The following C9 variants were observed in gnomAD, a reference collection of about 807,000 sequenced individuals.
The protein encoded by C9 is complement component C9.
C9 carries 63 observed loss-of-function variants against 65.4 expected under a neutral mutation model. The ratio of observed to expected loss-of-function variants is 0.96; its 90% CI spans 0.79 to 1.19. C9 has a LOEUF of 1.19. Ranked by LOEUF, C9 falls within the 50% of genes most tolerant of loss-of-function variation. The pLI, the probability that C9 is intolerant of heterozygous loss-of-function variation, is 0.00. For synonymous variants in C9, 229 were observed against 227.9 expected, an observed-to-expected ratio of 1.00 and a Z score of -0.04; for missense variants, 744 against 670.1, an observed-to-expected ratio of 1.11 and a Z score of -1.22.
Position 39,326,617 on chromosome 5 carries a change from C to T in C9, c.615+5059G>A, listed in dbSNP as rs531899976. On this transcript the variant is annotated intron_variant, in intron 5 of 10. Transcript: ENST00000263408. ...CACATGAGTGCCTTCATGATTTAAC[C>T]CCTGCCTATGACTTCAACCCTGAAT... is the stretch of plus-strand genomic sequence containing the variant. 3.9e-5 allele frequency among the ~76,000 whole-genome samples: 6 copies of T among 152,290 alleles called. No homozygotes were observed. The South Asian group carries it at 8.3e-4, about 21-fold the overall frequency.
intron 5 of C9, among the ~76,000 whole-genome samples, chr5:39,328,070 A>C (rs1401420246): frequency 6.6e-6 from 1 of 152,154 alleles, no homozygotes; most frequent in Non-Finnish European, 1.5e-5. Flanking sequence ...TGGAAGGAAA[A>C]AGAGGGAAAG....
chr5:39,342,761 C>G (rs1443391015), intron 1 of C9, among the ~76,000 whole-genome samples: 1 of 152,142 alleles, frequency 6.6e-6, no homozygotes, highest in Non-Finnish European at 1.5e-5. Flanking sequence ...CACTTCACTT[C>G]AGGACTTATT....
chr5:39,357,587 A>G (rs1045169466), intron 1 of C9, among the ~76,000 whole-genome samples: 1 of 152,210 alleles, frequency 6.6e-6, no homozygotes. Flanking sequence ...AGAAAATACA[A>G]CATGCAATAT....
At chr5:39,340,347 CCAACAAATCCACCTTTACCAAAAATAG>C (rs974551106) in intron 4 of C9, among the ~76,000 whole-genome samples, 5 of 151,326 alleles carry the variant, frequency 3.3e-5, no homozygotes, top group Admixed American at 6.6e-5. Context: ...GGACAATTTT[CCAACAAATCCACCTTTACCAAAAATAG>C]CAACAAATCC....
At chr5:39,291,685 G>A (rs1341423363) in intron 9 of C9, among the ~76,000 whole-genome samples, 1 of 151,550 alleles carries the variant, frequency 6.6e-6, no homozygotes, top group East Asian at 1.9e-4. Flanking sequence ...TTAGTAAAAA[G>A]CCTTAGTATT....
At position 39,341,162 on chromosome 5, in the gene C9, G is replaced by C. The variant is rs144138616; in HGVS notation, c.460C>G (p.Arg154Gly). 5 of 1,614,120 alleles carry C rather than the reference G, an allele frequency of 3.1e-6. No individual in the cohort carries two copies. The highest frequency in any genetic ancestry group is 1.7e-5 in the Admixed American group (1 of 60,018). The change falls in exon 4 of 11, where the codon CGA (arginine) becomes GGA (glycine). Residue 154 changes from arginine (R) to glycine (G), a missense_variant. Physicochemically the swap from Arg to Gly is moderately radical, Grantham distance 125. Coordinates refer to ENST00000263408, the MANE Select transcript of C9 (RefSeq NM_001737.5). ...DRVVEESELA[R>G]TAGYGINILG... is the part of the protein sequence containing the mutation. The stretch of plus-strand genomic sequence containing the variant: ...AATACACACCCATAGCCTGCTGTTC[G>C]TGCCAGCTCAGACTCTTCTACCACT...
At chr5:39,354,748 T>C (rs1178689857) in intron 1 of C9, among the ~76,000 whole-genome samples, 2 of 152,358 alleles carry the variant, frequency 1.3e-5, no homozygotes, top group East Asian at 3.9e-4. Context: ...TGTTTTGTTT[T>C]GTTATTTTGA....
chr5:39,342,586 A>G (rs558633266), intron 1 of C9, among the ~76,000 whole-genome samples: 4 of 152,216 alleles, frequency 2.6e-5, no homozygotes, highest in Non-Finnish European at 4.4e-5. Context: ...CCCATCCACC[A>G]TACCCCACCC....
intron 8 of C9, 52 bp from the exon 9 acceptor site, chr5:39,306,844 C>T: frequency 7.7e-7 from 1 of 1,298,438 alleles, no homozygotes; most frequent in Non-Finnish European, 1.1e-6. Flanking sequence ...TAAAGAGAAG[C>T]CAGTTATCAA....
At chr5:39,357,643 A>G (rs1348609921) in intron 1 of C9, among the ~76,000 whole-genome samples, 1 of 152,220 alleles carries the variant, frequency 6.6e-6, no homozygotes. Flanking sequence ...CAGACCGGGT[A>G]AGAGGATAGA....
chr5:39,360,884 G>T (rs1378602354), intron 1 of C9, among the ~76,000 whole-genome samples: 1 of 152,140 alleles, frequency 6.6e-6, no homozygotes, highest in Non-Finnish European at 1.5e-5. Context: ...TTTTAGCACT[G>T]TCACAAAGTG....
intron 5 of C9, among the ~76,000 whole-genome samples, chr5:39,326,372 T>C (rs996424320): frequency 3.9e-5 from 6 of 152,224 alleles, no homozygotes; most frequent in Admixed American, 2.6e-4. Flanking sequence ...GGATTTTATC[T>C]CTTCTTCTTC....
In C9 at chr5:39,345,204, G is replaced by T. The variant is rs62358364; in HGVS notation, c.78-3008C>A. 8.5e-3 allele frequency among the ~76,000 whole-genome samples: 1,294 copies of T among 152,108 alleles called. 5 individuals carry two copies. The highest frequency in any genetic ancestry group is 0.011 in the African/African-American group (466 of 41,508). ...CTTAAATGCAAAATGGGCTAAATGC[G>T]CCAATTAAAAGACACAGACTGGCAA... On this transcript the variant is annotated intron_variant, in intron 1 of 10. Transcript: ENST00000263408.
At chr5:39,306,824 A>C in intron 8 of C9, 32 bp from the exon 9 acceptor site, 2 of 1,533,502 alleles carry the variant, frequency 1.3e-6, no homozygotes, top group Non-Finnish European at 1.8e-6. Flanking sequence ...AAAGAGAAGC[A>C]GAAGAAGTTT....
chr5:39,296,103 C>T (rs1427767660), intron 9 of C9, among the ~76,000 whole-genome samples: 1 of 151,602 alleles, frequency 6.6e-6, no homozygotes, highest in Admixed American at 6.6e-5. Context: ...GGAAATGCTT[C>T]AGGACATTGG....
At chr5:39,327,750 G>C (rs1180568336) in intron 5 of C9, among the ~76,000 whole-genome samples, 1 of 152,092 alleles carries the variant, frequency 6.6e-6, no homozygotes, top group Non-Finnish European at 1.5e-5. Flanking sequence ...AGCCATAGGA[G>C]AAGAGGAAAA....
chr5:39,312,795 G>A (rs1753508541), intron 6 of C9, among the ~76,000 whole-genome samples: 1 of 152,092 alleles, frequency 6.6e-6, no homozygotes, highest in Non-Finnish European at 1.5e-5. Flanking sequence ...TCTTTTTAAA[G>A]GTATATCTTG....
chr5:39,318,766 C>T (rs1359503749), intron 5 of C9, among the ~76,000 whole-genome samples: 1 of 152,028 alleles, frequency 6.6e-6, no homozygotes, highest in Non-Finnish European at 1.5e-5. Flanking sequence ...TTATTACTGT[C>T]TCATGAAAAG....
rs1179579283 is a variant in C9 at position 39,316,039 on chromosome 5, A to T, written c.616-10T>A. The T allele has an allele frequency of 6.2e-7, 1 of 1,606,570 alleles. No homozygotes were observed. The highest frequency in any genetic ancestry group is 8.5e-7 in the Non-Finnish European group (1 of 1,174,896). ...TTTTCTCGCCTTTGGTCTAAAAGAG[A>T]ATAAAAAAGTGTTGTTAAAAACAAG... On this transcript the variant is annotated splice_polypyrimidine_tract_variant and intron_variant, in intron 5 of 10. Coordinates refer to ENST00000263408, the MANE Select transcript of C9 (RefSeq NM_001737.5).
Sources: allele counts gnomAD v4.1 joint callset (sites outside exome capture counted in the v4.1 genomes callset), GRCh38; gene constraint gnomAD v4.1.1; transcripts MANE v1.5; gene names NCBI Gene and HGNC (gene_info 2026-07-23, HGNC 2026-07-21).